The following KIF1A variants were observed in gnomAD, a reference collection of about 807,000 sequenced individuals.
KIF1A encodes the protein kinesin-like protein KIF1A.
A neutral mutation model predicts 227.3 loss-of-function variants in KIF1A; 46 were observed. That is an observed-to-expected ratio of 0.20 (90% CI 0.16 to 0.26). The LOEUF is 0.26. Ranked by LOEUF, KIF1A falls within the 10% of genes least tolerant of loss-of-function variation. The pLI, the probability that KIF1A is intolerant of heterozygous loss-of-function variation, is 1.00. For missense variants in KIF1A, 1,683 were observed against 2,485.9 expected, an observed-to-expected ratio of 0.68 and a Z score of 6.87; for synonymous variants, 1,022 against 1,012.8, an observed-to-expected ratio of 1.01 and a Z score of -0.17.
chr2:240,767,233 C>T (rs779735764), intron 18 of KIF1A, 33 bp downstream of exon 18: 4 of 1,572,172 alleles, frequency 2.5e-6, no homozygotes, highest in Admixed American at 1.7e-5. Context: ...CAGGGCCTGG[C>T]CAGGCTGGAG....
chr2:240,725,555 G>GC lies in KIF1A; in HGVS notation c.4123-152_4123-151insG. The stretch of plus-strand genomic sequence containing the variant: ...AGGTGTGGCCTGGACGCAGGCAGGA[G>GC]AAAGTCTCTGCTCCTGCCCTCGAGA... On this transcript the variant is annotated intron_variant, in intron 39 of 48. Transcript: ENST00000498729. This position sits in a 1 kb window ranked among gnomAD's most constrained non-coding sequence, Gnocchi z 5.8. The GC allele has an allele frequency of 1.3e-6, 1 of 769,032 alleles. No individual in the cohort carries two copies. Among genetic ancestry groups the GC allele is most frequent in the Non-Finnish European group, 2.0e-6 (1 of 491,144 alleles). 47.6% of individuals were successfully genotyped at this position (769,032 alleles called of 1,614,324 possible).
chr2:240,796,300 A>G (rs1021532483), intron 2 of KIF1A, among the ~76,000 whole-genome samples: 3 of 152,204 alleles, frequency 2.0e-5, no homozygotes, highest in African/African-American at 7.2e-5. Context: ...TTCTCCGACC[A>G]CAAAAGGCCA....
Position 240,790,391 on chromosome 2 carries a change from G to A in KIF1A, c.107-1079C>T, listed in dbSNP as rs1679989741. Among the ~76,000 whole-genome samples, 1 of 151,992 alleles carries A rather than the reference G, an allele frequency of 6.6e-6. No homozygotes were observed. ...ATGCTTGGAGATGAAGGCTGGAGAT[G>A]AGGCTGTGTCTGCCCCGGATTGGTT... On this transcript the variant is annotated intron_variant, in intron 2 of 48. Coordinates refer to ENST00000498729, the MANE Select transcript of KIF1A (RefSeq NM_001244008.2). The surrounding 1 kb of genome is among the most constrained non-coding windows in gnomAD (Gnocchi z 5.0).
chr2:240,803,477 C>T (rs1304993752), intron 1 of KIF1A, among the ~76,000 whole-genome samples: 1 of 152,218 alleles, frequency 6.6e-6, no homozygotes, highest in Non-Finnish European at 1.5e-5. Flanking sequence ...TTTCAGCATC[C>T]AGAACGTGGC....
At chr2:240,773,459 C>A (rs975813794) in intron 12 of KIF1A, among the ~76,000 whole-genome samples, 6 of 152,168 alleles carry the variant, frequency 3.9e-5, no homozygotes, top group African/African-American at 1.4e-4. Context: ...GGGCCACAGG[C>A]CAGAGAAGAC....
In KIF1A at chr2:240,793,373, TA is replaced by T. The variant is rs2055975758; in HGVS notation, c.107-4062del. 6.6e-6 allele frequency among the ~76,000 whole-genome samples: 1 copy of T among 152,312 alleles called. No homozygotes were observed. The highest frequency in any genetic ancestry group is 6.5e-5 in the Admixed American group (1 of 15,302). ...AACTGAGGCCCAAAGGGATGCCCTC[TA>T]GCCAGTGTCACACAGCGAGTAAGTC... is the stretch of plus-strand genomic sequence containing the variant. On this transcript the variant is annotated intron_variant, in intron 2 of 48. Coordinates refer to ENST00000498729, the MANE Select transcript of KIF1A (RefSeq NM_001244008.2). The surrounding 1 kb of genome is among the most constrained non-coding windows in gnomAD (Gnocchi z 4.8).
chr2:240,775,391 C>T lies in KIF1A; in HGVS notation c.958+460G>A, dbSNP rs935756302. ...GGATGGACGGGATCAGCGTCGGGTGCATTTCAATTCCCACCTCCCCGTCTA... is the reference window on the plus strand; with the variant it reads ...GGATGGACGGGATCAGCGTCGGGTGTATTTCAATTCCCACCTCCCCGTCTA... On this transcript the variant is annotated intron_variant, in intron 11 of 48. Coordinates refer to ENST00000498729, the MANE Select transcript of KIF1A (RefSeq NM_001244008.2). The surrounding 1 kb of genome is among the most constrained non-coding windows in gnomAD (Gnocchi z 5.5). 1.3e-5 allele frequency among the ~76,000 whole-genome samples: 2 copies of T among 152,308 alleles called. No individual in the cohort carries two copies. Among genetic ancestry groups the T allele is most frequent in the South Asian group, 4.1e-4 (2 of 4,830 alleles).
chr2:240,727,011 AGACAGACAGAGC>A (rs1478636307), intron 38 of KIF1A, 71 bp from the exon 39 acceptor site: 48 of 877,318 alleles, frequency 5.5e-5, no homozygotes. Context: ...GGGGACATGC[AGACAGACAGAGC>A]GACAGACAAG....
intron 28 of KIF1A, among the ~76,000 whole-genome samples, chr2:240,749,847 A>AG (rs1262835976): frequency 6.6e-6 from 1 of 152,138 alleles, no homozygotes; most frequent in Non-Finnish European, 1.5e-5. Context: ...CCCAGTGTGG[A>AG]GGGGGACAGG....
intron 46 of KIF1A, 27 bp from the exon 47 acceptor site, chr2:240,719,225 G>C (rs932286289): frequency 2.5e-6 from 4 of 1,581,678 alleles, no homozygotes; most frequent in Non-Finnish European, 3.4e-6. Flanking sequence ...CTGCTCGCTG[G>C]GGCCCTCGGT....
At chr2:240,742,800 G>A (rs2048140581) in intron 34 of KIF1A, 129 bp downstream of exon 34, 2 of 808,678 alleles carry the variant, frequency 2.5e-6, no homozygotes, top group Admixed American at 2.2e-5. Context: ...GCTCAGGGTG[G>A]CGCCAGAGTG....
chr2:240,744,979 C>T (rs2048414865), intron 32 of KIF1A, among the ~76,000 whole-genome samples: 1 of 152,200 alleles, frequency 6.6e-6, no homozygotes, highest in African/African-American at 2.4e-5. Context: ...CCCTCCTCTC[C>T]ATCATCCTAG....
chr2:240,721,797 C>T lies in KIF1A; in HGVS notation c.4743+10G>A. The stretch of plus-strand genomic sequence containing the variant: ...TGCGGGGCAGCCTGGTGCAGCCCCT[C>T]TGCACCCACCTTGCTCTCGCTGGCA... On this transcript the variant is annotated intron_variant, in intron 44 of 48. Transcript: ENST00000498729. 2.5e-6 allele frequency: 4 copies of T among 1,599,854 alleles called. No individual in the cohort carries two copies. The highest frequency in any genetic ancestry group is 3.4e-6 in the Non-Finnish European group (4 of 1,177,282).
chr2:240,736,887 G>A lies in KIF1A; in HGVS notation c.4007+176C>T, dbSNP rs1464663311. On this transcript the variant is annotated intron_variant, in intron 38 of 48. Coordinates refer to ENST00000498729, the MANE Select transcript of KIF1A (RefSeq NM_001244008.2). This position sits in a 1 kb window ranked among gnomAD's most constrained non-coding sequence, Gnocchi z 4.7. ...CAACGAGGTGCACAAACGAGGAGCC[G>A]GGGGTGCAGAGGCCACCAGCCCCTC... 6.6e-6 allele frequency among the ~76,000 whole-genome samples: 1 copy of A among 152,144 alleles called. No homozygotes were observed. Among genetic ancestry groups the A allele is most frequent in the Admixed American group, 6.5e-5 (1 of 15,274 alleles).
In KIF1A at chr2:240,730,970, C is replaced by A. The variant is rs1379529601; in HGVS notation, c.4008-4030G>T. On this transcript the variant is annotated intron_variant, in intron 38 of 48. Transcript: ENST00000498729. Reference sequence around the variant, plus strand: ...TCAGTACTGGCCCCACCCTCCAAGCCCCCTGAGGGCAGCTGCAGGCTCCCT... The same window carrying A: ...TCAGTACTGGCCCCACCCTCCAAGCACCCTGAGGGCAGCTGCAGGCTCCCT... 2.6e-5 allele frequency among the ~76,000 whole-genome samples: 4 copies of A among 152,334 alleles called. No individual in the cohort carries two copies. The East Asian group carries it at 7.7e-4, about 29-fold the overall frequency.
rs916878384 is a variant in KIF1A at position 240,740,223 on chromosome 2, G to A, written c.3816+75C>T. The A allele has an allele frequency of 7.6e-6, 12 of 1,570,018 alleles. No individual in the cohort carries two copies. Among genetic ancestry groups the A allele is most frequent in the Non-Finnish European group, 1.0e-5 (12 of 1,145,128 alleles). On this transcript the variant is annotated intron_variant, in intron 36 of 48. Transcript: ENST00000498729. The surrounding 1 kb of genome is among the most constrained non-coding windows in gnomAD (Gnocchi z 6.1). ...GAGGGAGGGGGACACAGGCAGGGTAGGGGCAGGGAGAGGCTCACACCTGGT... is the reference window on the plus strand; with the variant it reads ...GAGGGAGGGGGACACAGGCAGGGTAAGGGCAGGGAGAGGCTCACACCTGGT...
intron 7 of KIF1A, among the ~76,000 whole-genome samples, 158 bp from the exon 8 acceptor site, chr2:240,783,974 G>T (rs528331898): frequency 6.6e-6 from 1 of 152,096 alleles, no homozygotes. Flanking sequence ...TCCTGACCCC[G>T]CAGTTTCCAC....
rs1046146883 is a variant in KIF1A at position 240,726,309 on chromosome 2, T to G, written c.4122+517A>C. Among the ~76,000 whole-genome samples the G allele has an allele frequency of 1.3e-5, 2 of 152,244 alleles. No homozygotes were observed. Among genetic ancestry groups the G allele is most frequent in the Admixed American group, 1.3e-4 (2 of 15,288 alleles). ...ACTAAGTATGGTAGAGTGAGTTAAC[T>G]GCCATTAAAAGCACATGGAGGATGG... On this transcript the variant is annotated intron_variant, in intron 39 of 48. Transcript: ENST00000498729. This position sits in a 1 kb window ranked among gnomAD's most constrained non-coding sequence, Gnocchi z 5.2.
intron 27 of KIF1A, among the ~76,000 whole-genome samples, chr2:240,755,171 C>A (rs372741974): frequency 5.9e-5 from 9 of 152,210 alleles, no homozygotes; most frequent in Non-Finnish European, 1.3e-4. Flanking sequence ...TGCCCCAGAC[C>A]GCCAGAGGCA....
Sources: allele counts gnomAD v4.1 joint callset (sites outside exome capture counted in the v4.1 genomes callset), GRCh38; gene constraint gnomAD v4.1.1; non-coding constraint Gnocchi (gnomAD v3.1); transcripts MANE v1.5; gene names NCBI Gene and HGNC (gene_info 2026-07-23, HGNC 2026-07-21).